FAM227B: variants seen among roughly 807,000 people sequenced by gnomAD.
FAM227B encodes the protein family with sequence similarity 227 member B.
In FAM227B, 88 loss-of-function variants were observed where a neutral mutation model predicts 73.8. The observed-to-expected ratio is 1.19, with a 90% CI of 1.00 to 1.42. FAM227B has a LOEUF of 1.42. FAM227B is among the 40% of genes most tolerant of loss of function. FAM227B has a pLI of 0.00. For missense variants in FAM227B, 632 were observed against 590.9 expected (o/e 1.07, Z -0.72); for synonymous variants, 210 against 190.5 (o/e 1.10, Z -0.84).
intron 9 of FAM227B, among the ~76,000 whole-genome samples, chr15:49,549,862 G>T (rs1290555505): frequency 6.6e-6 from 1 of 152,086 alleles, no homozygotes; most frequent in Non-Finnish European, 1.5e-5. Context: ...GTGGTGGCCG[G>T]GCAGAGGGGC....
intron 11 of FAM227B, among the ~76,000 whole-genome samples, chr15:49,461,017 G>A (rs900817706): frequency 6.6e-6 from 1 of 152,112 alleles, no homozygotes; most frequent in Admixed American, 6.6e-5. Flanking sequence ...ATCTTGTGGG[G>A]CCAGCCTTCC....
intron 11 of FAM227B, among the ~76,000 whole-genome samples, chr15:49,470,778 G>A (rs2054668738): frequency 1.3e-5 from 2 of 152,152 alleles, no homozygotes; most frequent in Non-Finnish European, 2.9e-5. Flanking sequence ...TTGACATTAA[G>A]GTGGTACATT....
intron 10 of FAM227B, among the ~76,000 whole-genome samples, chr15:49,518,600 C>T (rs902857816): frequency 1.3e-5 from 2 of 152,070 alleles, no homozygotes; most frequent in Non-Finnish European, 2.9e-5. Context: ...AGAATGATCA[C>T]GTTCAGGGGA....
At chr15:49,489,244 C>T (rs2056671143) in intron 11 of FAM227B, 6 of 985,062 alleles carry the variant, frequency 6.1e-6, no homozygotes, top group Non-Finnish European at 6.0e-6. Context: ...TTTAATGTCA[C>T]TGCCATAAAC....
chr15:49,396,238 C>T (rs149722567), intron 11 of FAM227B: 19,378 of 362,004 alleles, frequency 0.054, 629 homozygotes, highest in East Asian at 0.066. Context: ...GGGTGACGGA[C>T]GGCACCTGGA....
In FAM227B at chr15:49,369,718, G is replaced by C. The variant is rs1413303868; in HGVS notation, c.1110+1584C>G. 2.6e-5 allele frequency among the ~76,000 whole-genome samples: 4 copies of C among 152,094 alleles called. No individual in the cohort carries two copies. In the South Asian group the frequency reaches 8.3e-4, roughly 32 times the overall value. On this transcript the variant is annotated intron_variant, in intron 12 of 15. Coordinates refer to ENST00000299338, the MANE Select transcript of FAM227B (RefSeq NM_152647.3). ...CGGTGCCTGGAAAATTTTTCATCTTGAGCTGAAATCTATATCCCTGTATCT... is the reference window on the plus strand; with the variant it reads ...CGGTGCCTGGAAAATTTTTCATCTTCAGCTGAAATCTATATCCCTGTATCT...
chr15:49,508,483 C>T, intron 10 of FAM227B, 135 bp from the exon 11 acceptor site: 1 of 658,838 alleles, frequency 1.5e-6, no homozygotes, highest in Non-Finnish European at 2.4e-6. Flanking sequence ...TCCTTTTAAG[C>T]TGCGTAGGAT....
At chr15:49,346,052 T>C (rs935044147) in intron 13 of FAM227B, among the ~76,000 whole-genome samples, 6 of 27,328 alleles carry the variant, frequency 2.2e-4, no homozygotes, top group Admixed American at 5.4e-4. Flanking sequence ...GCTTTTGTTA[T>C]TTTTTTTTTT....
At chr15:49,472,014 A>G (rs1173280849) in intron 11 of FAM227B, among the ~76,000 whole-genome samples, 1 of 23,068 alleles carries the variant, frequency 4.3e-5, no homozygotes, top group Non-Finnish European at 9.0e-5. Context: ...TCATGACTTT[A>G]GAAGTGAAAA....
intron 11 of FAM227B, among the ~76,000 whole-genome samples, chr15:49,477,801 A>C (rs1347341897): frequency 6.6e-6 from 1 of 152,202 alleles, no homozygotes; most frequent in Non-Finnish European, 1.5e-5. Context: ...CTAGTAATGA[A>C]AGAGTTTTGG....
intron 11 of FAM227B, among the ~76,000 whole-genome samples, chr15:49,400,753 G>C (rs895558769): frequency 6.6e-6 from 1 of 151,140 alleles, no homozygotes; most frequent in African/African-American, 2.4e-5. Flanking sequence ...AATGGGGAAA[G>C]GATTCCCTAT....
At chr15:49,582,260 T>C (rs911973975) in intron 5 of FAM227B, among the ~76,000 whole-genome samples, 6 of 152,102 alleles carry the variant, frequency 3.9e-5, no homozygotes, top group South Asian at 4.1e-4. Context: ...ATGACACACA[T>C]AGGCTCAAAG....
At chr15:49,577,052 A>C in intron 6 of FAM227B, 1 of 437,918 alleles carries the variant, frequency 2.3e-6, no homozygotes, top group Non-Finnish European at 4.0e-6. Flanking sequence ...ATCCCACCAC[A>C]CTGGGAGGCT....
intron 10 of FAM227B, among the ~76,000 whole-genome samples, chr15:49,511,899 G>A (rs2059025391): frequency 6.6e-6 from 1 of 152,084 alleles, no homozygotes; most frequent in African/African-American, 2.4e-5. Flanking sequence ...ATAGTTAACA[G>A]TACTGCAATG....
At chr15:49,553,541 G>T (rs938993080) in intron 9 of FAM227B, among the ~76,000 whole-genome samples, 1 of 152,174 alleles carries the variant, frequency 6.6e-6, no homozygotes, top group Non-Finnish European at 1.5e-5. Context: ...GCCCCTGGTA[G>T]GTCCAGGTGT....
In FAM227B at chr15:49,389,604, TA is replaced by T. The variant is rs5812483; in HGVS notation, c.1013-18206del. Among the ~76,000 whole-genome samples the T allele has an allele frequency of 4.1e-4, 61 of 148,054 alleles. No homozygotes were observed. The South Asian group carries it at 9.2e-3, about 22-fold the overall frequency. On this transcript the variant is annotated intron_variant, in intron 11 of 15. Coordinates refer to ENST00000299338, the MANE Select transcript of FAM227B (RefSeq NM_152647.3). ...GCACTATGTAATTCATCCATCCATG[TA>T]AAAAAAAAACCATTGTACCTCAAAA...
At chr15:49,562,629 A>G (rs1233228765) in intron 9 of FAM227B, among the ~76,000 whole-genome samples, 1 of 152,182 alleles carries the variant, frequency 6.6e-6, no homozygotes, top group Non-Finnish European at 1.5e-5. Flanking sequence ...AAAATCCAGC[A>G]GTACATCAAA....
chr15:49,463,850 C>T (rs970460127), intron 11 of FAM227B, among the ~76,000 whole-genome samples: 6 of 152,192 alleles, frequency 3.9e-5, no homozygotes, highest in Non-Finnish European at 8.8e-5. Flanking sequence ...TTTGCTAACG[C>T]TCTTATAAGC....
At chr15:49,542,038 C>T (rs2071145989) in intron 9 of FAM227B, among the ~76,000 whole-genome samples, 1 of 152,074 alleles carries the variant, frequency 6.6e-6, no homozygotes, top group South Asian at 2.1e-4. Flanking sequence ...CCACCCTCTC[C>T]ACTCCCTCCA....
Sources: allele counts gnomAD v4.1 joint callset (sites outside exome capture counted in the v4.1 genomes callset), GRCh38; gene constraint gnomAD v4.1.1; transcripts MANE v1.5; gene names NCBI Gene and HGNC (gene_info 2026-07-23, HGNC 2026-07-21).